The following IFT43 variants were observed in gnomAD, a reference collection of about 807,000 sequenced individuals.
IFT43 encodes the protein intraflagellar transport 43, also known as intraflagellar transport protein 43 homolog.
A neutral mutation model predicts 32.3 loss-of-function variants in IFT43; 33 were observed. That is an observed-to-expected ratio of 1.02 (90% CI 0.77 to 1.37). The LOEUF (loss-of-function observed/expected upper bound fraction) is 1.37. Ranked by LOEUF, IFT43 falls within the 40% of genes most tolerant of loss-of-function variation. IFT43 has a pLI of 0.00. For missense variants in IFT43, 274 were observed against 265.9 expected (o/e 1.03, Z -0.21); for synonymous variants, 93 against 98.2 (o/e 0.95, Z 0.31).
chr14:76,076,363 C>T (rs1445017520), intron 5 of IFT43, among the ~76,000 whole-genome samples: 1 of 152,156 alleles, frequency 6.6e-6, no homozygotes, highest in African/African-American at 2.4e-5. Context: ...CCAGGGAATC[C>T]TATTCAGAAA....
chr14:76,068,812 A>G (rs1203866652), intron 5 of IFT43, among the ~76,000 whole-genome samples: 3 of 152,224 alleles, frequency 2.0e-5, no homozygotes, highest in Admixed American at 2.0e-4. Flanking sequence ...TCGTTCATTT[A>G]CAACCCCTTG....
chr14:76,021,882 C>T (rs965550630), intron 2 of IFT43, among the ~76,000 whole-genome samples: 1 of 152,252 alleles, frequency 6.6e-6, no homozygotes. Context: ...ACAAAGGTTA[C>T]TGTATTTTTA....
At chr14:76,042,110 AC>A (rs1259354847) in intron 3 of IFT43, among the ~76,000 whole-genome samples, 1 of 150,900 alleles carries the variant, frequency 6.6e-6, no homozygotes, top group Non-Finnish European at 1.5e-5. Flanking sequence ...GGACGAGGAC[AC>A]ACACACACAC....
At chr14:76,074,058 TAATA>T (rs563884858) in intron 5 of IFT43, among the ~76,000 whole-genome samples, 147 of 152,286 alleles carry the variant, frequency 9.7e-4, no homozygotes, top group African/African-American at 3.4e-3. Flanking sequence ...AGCATTTTTT[TAATA>T]AATATATATA....
intron 2 of IFT43, among the ~76,000 whole-genome samples, chr14:76,010,400 T>C (rs902157022): frequency 6.6e-6 from 1 of 152,196 alleles, no homozygotes; most frequent in African/African-American, 2.4e-5. Flanking sequence ...GCCTTTTTTC[T>C]TTTTTGTTAA....
At chr14:75,985,889 A>T (rs748326585) in intron 1 of IFT43, 49 bp downstream of exon 1, 1 of 1,602,808 alleles carries the variant, frequency 6.2e-7, no homozygotes, top group Non-Finnish European at 8.5e-7. Flanking sequence ...GCGGGTGGGG[A>T]GGAGCGACCC....
chr14:76,060,585 G>A (rs1244839944), intron 5 of IFT43, among the ~76,000 whole-genome samples: 2 of 151,164 alleles, frequency 1.3e-5, no homozygotes, highest in Non-Finnish European at 3.0e-5. Context: ...TTGTTTGTTT[G>A]TGTAGATCCT....
intron 3 of IFT43, chr14:76,038,153 C>T (rs943344397): frequency 1.1e-4 from 17 of 152,144 alleles, no homozygotes; most frequent in African/African-American, 3.6e-4. Context: ...CAGTCAGGTA[C>T]CAGAAATGAG....
chr14:76,016,631 T>C (rs2036193505), intron 2 of IFT43, among the ~76,000 whole-genome samples: 1 of 152,190 alleles, frequency 6.6e-6, no homozygotes, highest in Non-Finnish European at 1.5e-5. Flanking sequence ...ATTGAACCTG[T>C]AGATTCCTTT....
intron 5 of IFT43, among the ~76,000 whole-genome samples, chr14:76,062,942 GAAAATA>G (rs2037169330): frequency 5.3e-5 from 4 of 75,464 alleles, no homozygotes; most frequent in Admixed American, 3.8e-4. Flanking sequence ...AAAAAAAAAA[GAAAATA>G]CATTAAGTCA....
At chr14:76,048,725 AC>A (rs1257108764) in intron 3 of IFT43, among the ~76,000 whole-genome samples, 1 of 152,140 alleles carries the variant, frequency 6.6e-6, no homozygotes, top group Non-Finnish European at 1.5e-5. Context: ...ACTGATGGCT[AC>A]ACCAGTTTCT....
intron 5 of IFT43, among the ~76,000 whole-genome samples, chr14:76,074,794 T>C (rs1300438661): frequency 1.2e-4 from 18 of 152,076 alleles, no homozygotes; most frequent in Admixed American, 1.0e-3. Context: ...TAAACCCCCT[T>C]CTTTGCTGAA....
intron 5 of IFT43, among the ~76,000 whole-genome samples, chr14:76,061,024 C>A (rs1213962264): frequency 6.6e-6 from 1 of 152,084 alleles, no homozygotes; most frequent in Admixed American, 6.5e-5. Context: ...GCCTCAGCCT[C>A]CTGACTAGCT....
intron 3 of IFT43, among the ~76,000 whole-genome samples, chr14:76,024,587 T>G (rs1337542873): frequency 6.6e-6 from 1 of 152,240 alleles, no homozygotes; most frequent in African/African-American, 2.4e-5. Flanking sequence ...AGCTAGTACA[T>G]AGCTTGTTGC....
Position 75,988,962 on chromosome 14 carries a change from G to T in IFT43, c.132G>T (p.Leu44Phe). The T allele has an allele frequency of 6.2e-7, 1 of 1,613,748 alleles. No homozygotes were observed. The highest frequency in any genetic ancestry group is 8.5e-7 in the Non-Finnish European group (1 of 1,179,920). ...ENHLNGKNSSLTLTGETSSAK... is the reference protein window; with the variant it reads ...ENHLNGKNSSFTLTGETSSAK... ...ACCTCAATGGCAAGAATTCCTCTTT[G>T]ACTCTGACTGGAGAGGTGGGTGCTA... The change falls in exon 2 of 9, where the codon TTG becomes TTT. Residue 44 changes from leucine (L) to phenylalanine (F), a missense_variant. Coordinates refer to ENST00000314067, the MANE Select transcript of IFT43 (RefSeq NM_001102564.3).
chr14:76,058,270 A>G (rs2037062454), intron 3 of IFT43: 1 of 279,906 alleles, frequency 3.6e-6, no homozygotes, highest in Non-Finnish European at 6.9e-6. Flanking sequence ...GCTGACAGCT[A>G]ACAACACCAA....
intron 2 of IFT43, among the ~76,000 whole-genome samples, chr14:76,016,277 A>G (rs11844138): frequency 0.014 from 2,058 of 152,178 alleles, 47 homozygotes; most frequent in African/African-American, 0.047. Flanking sequence ...CTGTGTATGG[A>G]AATCCGGTTT....
chr14:76,068,316 A>G (rs1436579650), intron 5 of IFT43, among the ~76,000 whole-genome samples: 1 of 152,244 alleles, frequency 6.6e-6, no homozygotes, highest in Non-Finnish European at 1.5e-5. Flanking sequence ...TAAGGAATTT[A>G]TAGTAACCAG....
chr14:75,997,128 G>A (rs2035761909), intron 2 of IFT43, among the ~76,000 whole-genome samples: 1 of 152,156 alleles, frequency 6.6e-6, no homozygotes, highest in South Asian at 2.1e-4. Context: ...AGAGAAGAGG[G>A]GGAAGAATAT....
Sources: gnomAD v4.1 joint callset for allele counts (sites outside exome capture counted in the v4.1 genomes callset) on GRCh38, gnomAD v4.1.1 for gene constraint, MANE v1.5 for transcripts, NCBI Gene and HGNC (gene_info 2026-07-23, HGNC 2026-07-21) for gene names.